PDE8B: variants seen among roughly 807,000 people sequenced by gnomAD.
The protein encoded by PDE8B is high affinity cAMP-specific and IBMX-insensitive 3',5'-cyclic phosphodiesterase 8B.
PDE8B carries 26 observed loss-of-function variants against 101.3 expected under a neutral mutation model. The ratio of observed to expected loss-of-function variants is 0.26; its 90% CI spans 0.19 to 0.36. PDE8B has a LOEUF of 0.36. Ranked by LOEUF, PDE8B falls within the 10% of genes least tolerant of loss-of-function variation. PDE8B has a pLI of 1.00. For missense variants in PDE8B, 810 were observed against 1,163.1 expected, an observed-to-expected ratio of 0.70 and a Z score of 4.42; for synonymous variants, 424 against 429.3, an observed-to-expected ratio of 0.99 and a Z score of 0.15.
chr5:77,365,342 T>C (rs561780876), intron 10 of PDE8B, among the ~76,000 whole-genome samples: 1 of 152,172 alleles, frequency 6.6e-6, no homozygotes, highest in Non-Finnish European at 1.5e-5. Context: ...GAATTAGATC[T>C]GGCGCGATCA....
At chr5:77,378,274 C>T (rs999355101) in intron 10 of PDE8B, among the ~76,000 whole-genome samples, 1 of 151,886 alleles carries the variant, frequency 6.6e-6, no homozygotes, top group Non-Finnish European at 1.5e-5. Context: ...TCCTGGCCAA[C>T]ATGGTGAAAC....
chr5:77,279,054 T>C (rs775687072), intron 1 of PDE8B, among the ~76,000 whole-genome samples: 3 of 152,234 alleles, frequency 2.0e-5, no homozygotes, highest in African/African-American at 4.8e-5. Context: ...TTGAACTGTT[T>C]TGTTTCATCT....
intron 20 of PDE8B, among the ~76,000 whole-genome samples, chr5:77,423,632 G>T (rs367766525): frequency 3.9e-4 from 29 of 74,038 alleles, no homozygotes; most frequent in Admixed American, 5.1e-4. Flanking sequence ...GTTTTGTTTA[G>T]TTTTTTTTTT....
the PDE8B span, among the ~76,000 whole-genome samples, chr5:77,155,852 A>G: frequency 6.6e-6 from 1 of 152,214 alleles, no homozygotes; most frequent in Admixed American, 6.5e-5. Context: ...TAAATTCAAG[A>G]TAAGAAAAAC....
At chr5:77,195,179 A>G in the PDE8B span, among the ~76,000 whole-genome samples, 1 of 152,228 alleles carries the variant, frequency 6.6e-6, no homozygotes, top group African/African-American at 2.4e-5. Flanking sequence ...TATATACTCC[A>G]GAGAAGAGGA....
chr5:77,201,891 G>C, the PDE8B span, among the ~76,000 whole-genome samples: 1 of 152,198 alleles, frequency 6.6e-6, no homozygotes, highest in African/African-American at 2.4e-5. Flanking sequence ...AGAAGTCTCA[G>C]GTAAAGGTGC....
intron 1 of PDE8B, among the ~76,000 whole-genome samples, chr5:77,309,775 A>G (rs979114679): frequency 6.6e-6 from 1 of 151,396 alleles, no homozygotes; most frequent in Admixed American, 6.6e-5. Flanking sequence ...GCCCAACACC[A>G]TGCCTGGCTA....
At chr5:77,260,540 G>A (rs1252805754) in intron 1 of PDE8B, among the ~76,000 whole-genome samples, 2 of 149,570 alleles carry the variant, frequency 1.3e-5, no homozygotes, top group Non-Finnish European at 3.0e-5. Context: ...TAAAAAGTGA[G>A]TATATCCTTG....
chr5:77,157,511 A>G, the PDE8B span, among the ~76,000 whole-genome samples: 16 of 152,238 alleles, frequency 1.1e-4, no homozygotes, highest in African/African-American at 3.9e-4. Flanking sequence ...TGTGAAGACT[A>G]GTTAAGAGAC....
intron 1 of PDE8B, among the ~76,000 whole-genome samples, chr5:77,258,475 C>G (rs887922740): frequency 6.6e-6 from 1 of 152,094 alleles, no homozygotes; most frequent in African/African-American, 2.4e-5. Flanking sequence ...CATACTGTGG[C>G]TTTGATTTAA....
chr5:77,151,647 A>T, the PDE8B span, among the ~76,000 whole-genome samples: 1 of 152,224 alleles, frequency 6.6e-6, no homozygotes, highest in Non-Finnish European at 1.5e-5. Flanking sequence ...CATGAGGAAC[A>T]CAAGGCATGG....
At chr5:77,324,919 T>C (rs965773987) in intron 2 of PDE8B, among the ~76,000 whole-genome samples, 1 of 152,212 alleles carries the variant, frequency 6.6e-6, no homozygotes, top group Non-Finnish European at 1.5e-5. Context: ...GTAATTGCAG[T>C]GAGTAACAAT....
the PDE8B span, chr5:77,144,797 G>A: frequency 1.5e-4 from 23 of 152,034 alleles, no homozygotes; most frequent in Admixed American, 1.2e-3. Flanking sequence ...CTGGCTCTCA[G>A]GTTCTAAGTT....
intron 5 of PDE8B, among the ~76,000 whole-genome samples, chr5:77,332,530 C>T (rs916726183): frequency 2.0e-5 from 3 of 152,192 alleles, no homozygotes; most frequent in Non-Finnish European, 4.4e-5. Context: ...GTCTCAAGAT[C>T]TCTTGGTAAG....
intron 1 of PDE8B, among the ~76,000 whole-genome samples, chr5:77,310,998 GGCTCCC>G (rs1772466494): frequency 1.3e-5 from 2 of 152,160 alleles, no homozygotes; most frequent in Admixed American, 1.3e-4. Flanking sequence ...TAACTGAAAA[GGCTCCC>G]ATGGCCCTTG....
intron 1 of PDE8B, among the ~76,000 whole-genome samples, chr5:77,265,294 T>C (rs1379603451): frequency 6.6e-6 from 1 of 152,214 alleles, no homozygotes; most frequent in African/African-American, 2.4e-5. Flanking sequence ...ATAAAATGTA[T>C]CCTTTCTAGA....
chr5:77,097,717 A>ATC, the PDE8B span, among the ~76,000 whole-genome samples: 5 of 41,022 alleles, frequency 1.2e-4, no homozygotes, highest in East Asian at 1.1e-3. Flanking sequence ...CTATATATAT[A>ATC]TATATATATA....
At chr5:77,298,777 G>C (rs571997487) in intron 1 of PDE8B, among the ~76,000 whole-genome samples, 5 of 152,276 alleles carry the variant, frequency 3.3e-5, no homozygotes, top group Non-Finnish European at 4.4e-5. Context: ...CCTCAGCTCC[G>C]TGAATTGGTC....
chr5:77,313,824 C>T (rs2150137136), intron 2 of PDE8B, among the ~76,000 whole-genome samples: 1 of 152,260 alleles, frequency 6.6e-6, no homozygotes, highest in East Asian at 1.9e-4. Context: ...CTGAAAGCAA[C>T]CACTATGATA....
Sources: allele counts gnomAD v4.1 joint callset (sites outside exome capture counted in the v4.1 genomes callset), GRCh38; gene constraint gnomAD v4.1.1; transcripts MANE v1.5; gene names NCBI Gene and HGNC (gene_info 2026-07-23, HGNC 2026-07-21).